Variants in SH3KBP1 observed in about 807,000 individuals in gnomAD.
The protein encoded by SH3KBP1 is SH3 domain-containing kinase-binding protein 1.
Under a neutral mutation model 50.1 loss-of-function variants are expected in SH3KBP1, and 8 were observed. The observed-to-expected ratio is 0.16, with a 90% CI of 0.09 to 0.29. The LOEUF is 0.29. Among genes scored for constraint, SH3KBP1 ranks in the 10% least tolerant of loss-of-function variants. The pLI is 1.00. For missense variants in SH3KBP1, 377 were observed against 535.2 expected (o/e 0.70, Z 2.92); for synonymous variants, 227 against 218.6 (o/e 1.04, Z -0.34).
chrX:19,615,007 G>T (rs1218303105), intron 8 of SH3KBP1, among the ~76,000 whole-genome samples: 1 of 112,188 alleles, frequency 8.9e-6, no homozygotes, highest in Non-Finnish European at 1.9e-5. Flanking sequence ...AACATCAGAA[G>T]TGAGGTCAAA....
At chrX:19,684,101 A>G (rs1196069524) in intron 5 of SH3KBP1, 73 bp from the exon 6 acceptor site, 2 of 854,985 alleles carry the variant, frequency 2.3e-6, no homozygotes, top group African/African-American at 4.0e-5. Flanking sequence ...CTTCACAACC[A>G]GCCAGGAACC....
At chrX:19,653,987 T>G (rs2062205896) in intron 6 of SH3KBP1, among the ~76,000 whole-genome samples, 1 of 111,190 alleles carries the variant, frequency 9.0e-6, no homozygotes, top group African/African-American at 3.3e-5. Context: ...TCTTAGATTC[T>G]TCAATATTTA....
At chrX:19,786,071 T>G (rs975139419) in intron 2 of SH3KBP1, among the ~76,000 whole-genome samples, 8 of 112,276 alleles carry the variant, frequency 7.1e-5, no homozygotes, top group African/African-American at 1.9e-4. Flanking sequence ...TGGTACATTT[T>G]ATGTTACCTG....
chrX:19,689,901 C>A (rs2063245775), intron 5 of SH3KBP1, among the ~76,000 whole-genome samples: 1 of 111,722 alleles, frequency 9.0e-6, no homozygotes, highest in African/African-American at 3.3e-5. Flanking sequence ...TCTAATGATG[C>A]CACAGAGTGG....
At chrX:19,550,691 T>A (rs1323120990) in intron 13 of SH3KBP1, among the ~76,000 whole-genome samples, 3 of 111,204 alleles carry the variant, frequency 2.7e-5, no homozygotes, top group Non-Finnish European at 5.7e-5. Flanking sequence ...TTGCTGTTCC[T>A]CTTCTTTCCT....
intron 2 of SH3KBP1, among the ~76,000 whole-genome samples, chrX:19,817,647 GTTTTT>G (rs1379875364): frequency 9.0e-6 from 1 of 111,048 alleles, no homozygotes; most frequent in African/African-American, 3.3e-5. Flanking sequence ...TTTTGTTTTT[GTTTTT>G]TTGAGACAGT....
chrX:19,839,000 C>A (rs1456939789), intron 1 of SH3KBP1, among the ~76,000 whole-genome samples: 7 of 110,346 alleles, frequency 6.3e-5, no homozygotes, highest in Non-Finnish European at 1.1e-4. Context: ...ATGGGGAAGA[C>A]ACATCAGATC....
chrX:19,550,183 C>A, intron 13 of SH3KBP1, 100 bp from the exon 14 acceptor site: 1 of 538,365 alleles, frequency 1.9e-6, no homozygotes, highest in South Asian at 2.8e-5. Flanking sequence ...TCCTTTCTGT[C>A]TGGATTACAC....
At chrX:19,661,999 T>C (rs946759532) in intron 6 of SH3KBP1, among the ~76,000 whole-genome samples, 2 of 111,944 alleles carry the variant, frequency 1.8e-5, no homozygotes, top group African/African-American at 6.5e-5. Context: ...CTCCACGTTA[T>C]TGATGTCTTT....
At chrX:19,703,434 T>C (rs909661122) in intron 4 of SH3KBP1, among the ~76,000 whole-genome samples, 2 of 111,060 alleles carry the variant, frequency 1.8e-5, no homozygotes, top group Non-Finnish European at 3.8e-5. Flanking sequence ...ATGGGAATCA[T>C]AGAGGATGCA....
chrX:19,828,251 TTTCC>T (rs1407332592), intron 2 of SH3KBP1, among the ~76,000 whole-genome samples: 4 of 110,568 alleles, frequency 3.6e-5, no homozygotes, highest in African/African-American at 1.4e-4. Flanking sequence ...AACATTCCTT[TTTCC>T]ACTGAGGTTT....
rs199704630 is a variant in SH3KBP1, at chrX:19,799,652, G to A, written c.162+36473C>T. The A allele has an allele frequency of 2.6e-5, 32 of 1,207,693 alleles. No homozygotes were observed. The East Asian group carries it at 6.2e-4, about 24-fold the overall frequency. On this transcript the variant is annotated intron_variant, in intron 2 of 17. Transcript: ENST00000397821. The stretch of plus-strand genomic sequence containing the variant: ...TACTTACAATCTCAGACAAGTCTGC[G>A]GCACTTGGGGCTTTGGCTGCTGAAA...
chrX:19,611,956 GAAAAAA>G lies in SH3KBP1; in HGVS notation c.898-3917_898-3912del, dbSNP rs3036638. Among the ~76,000 whole-genome samples the G allele has an allele frequency of 7.9e-5, 3 of 38,041 alleles. No homozygotes were observed. In the South Asian group the frequency reaches 5.3e-3, roughly 68 times the overall value. The allele number at this position is 38,041 out of a possible 115,157, so 33.0% of individuals were successfully genotyped here. Reference sequence around the variant, plus strand: ...TGATTTAGTGCTACTAGCAGAAGTAGAAAAAAAAAAAAAAAAAAAAAACAAGAAAAA... The same window carrying G: ...TGATTTAGTGCTACTAGCAGAAGTAGAAAAAAAAAAAAAAAACAAGAAAAA... On this transcript the variant is annotated intron_variant, in intron 8 of 17. Coordinates refer to ENST00000397821, the MANE Select transcript of SH3KBP1 (RefSeq NM_031892.3).
At chrX:19,856,338 C>A (rs1343235958) in intron 1 of SH3KBP1, among the ~76,000 whole-genome samples, 2 of 111,761 alleles carry the variant, frequency 1.8e-5, no homozygotes, top group East Asian at 5.6e-4. Flanking sequence ...ACTACCCTCC[C>A]CCAAAAAGCC....
At chrX:19,859,155 T>C (rs1465125781) in intron 1 of SH3KBP1, among the ~76,000 whole-genome samples, 1 of 110,324 alleles carries the variant, frequency 9.1e-6, no homozygotes, top group African/African-American at 3.3e-5. Context: ...AATTACTATT[T>C]TTTTTTTTTT....
chrX:19,677,936 A>G (rs1185440352), intron 6 of SH3KBP1, among the ~76,000 whole-genome samples: 1 of 112,050 alleles, frequency 8.9e-6, no homozygotes, highest in African/African-American at 3.3e-5. Flanking sequence ...TGAATTTAAG[A>G]AAAATATACT....
intron 12 of SH3KBP1, among the ~76,000 whole-genome samples, chrX:19,572,057 A>C (rs2066025360): frequency 9.0e-6 from 1 of 110,534 alleles, no homozygotes; most frequent in African/African-American, 3.3e-5. Context: ...TGACAGCTGG[A>C]AGCTTCCAAT....
chrX:19,739,255 C>A (rs1031120968), intron 3 of SH3KBP1, among the ~76,000 whole-genome samples: 1 of 111,438 alleles, frequency 9.0e-6, no homozygotes, highest in East Asian at 2.8e-4. Flanking sequence ...ACATACCAAG[C>A]GGGGGCAGTC....
At chrX:19,569,448 C>T (rs2065941785) in intron 12 of SH3KBP1, among the ~76,000 whole-genome samples, 1 of 112,401 alleles carries the variant, frequency 8.9e-6, no homozygotes, top group Non-Finnish European at 1.9e-5. Context: ...CATGTACTTC[C>T]AGCCACAAAC....
Sources: allele counts gnomAD v4.1 joint callset (sites outside exome capture counted in the v4.1 genomes callset), GRCh38; gene constraint gnomAD v4.1.1; transcripts MANE v1.5; gene names NCBI Gene and HGNC (gene_info 2026-07-23, HGNC 2026-07-21).